The following TENM2 variants were observed in gnomAD, a reference collection of about 807,000 sequenced individuals.
The protein encoded by TENM2 is teneurin-2.
In TENM2, 52 loss-of-function variants were observed where a neutral mutation model predicts 245.2. The observed-to-expected ratio is 0.21, with a 90% CI of 0.17 to 0.27. TENM2 has a LOEUF of 0.27. Ranked by LOEUF, TENM2 falls within the 10% of genes least tolerant of loss-of-function variation. The pLI is 1.00. For missense variants in TENM2, 3,046 were observed against 3,666.8 expected, an observed-to-expected ratio of 0.83 and a Z score of 4.37; for synonymous variants, 1,363 against 1,438.9, an observed-to-expected ratio of 0.95 and a Z score of 1.19.
chr5:167,211,984 C>T, the TENM2 span, among the ~76,000 whole-genome samples: 1 of 152,152 alleles, frequency 6.6e-6, no homozygotes, highest in Non-Finnish European at 1.5e-5. Flanking sequence ...GAAGTTACAT[C>T]TCTAAAGCCC....
the TENM2 span, among the ~76,000 whole-genome samples, chr5:167,237,055 C>A: frequency 6.6e-6 from 1 of 152,118 alleles, no homozygotes; most frequent in Admixed American, 6.6e-5. Context: ...GTTTCTCTTG[C>A]AATTCCTGGG....
At chr5:167,950,899 CAT>C (rs1162271523) in intron 3 of TENM2, among the ~76,000 whole-genome samples, 2 of 152,196 alleles carry the variant, frequency 1.3e-5, no homozygotes, top group African/African-American at 2.4e-5. Flanking sequence ...ATTTGGAGGA[CAT>C]GATTTAAAAT....
chr5:167,369,051 C>T lies in TENM2; in HGVS notation c.227-6147C>T, dbSNP rs527255556. On this transcript the variant is annotated intron_variant, in intron 1 of 28. Coordinates refer to ENST00000518659, the Ensembl canonical transcript of TENM2. ...TTGTAAAAGTGTAGGGATGGGGCTC[C>T]TTGCTACAGCAGGCTGTACTTGGGG... Among the ~76,000 whole-genome samples the T allele has an allele frequency of 3.3e-5, 5 of 152,122 alleles. No homozygotes were observed. The South Asian group carries it at 1.0e-3, about 32-fold the overall frequency.
chr5:167,570,452 G>A (rs1302466200), intron 2 of TENM2, among the ~76,000 whole-genome samples: 1 of 152,126 alleles, frequency 6.6e-6, no homozygotes, highest in Non-Finnish European at 1.5e-5. Context: ...GTTGGGAGAA[G>A]TGTCACAATG....
intron 7 of TENM2, among the ~76,000 whole-genome samples, chr5:168,076,790 C>T (rs77119205): frequency 6.6e-6 from 1 of 152,340 alleles, no homozygotes; most frequent in African/African-American, 2.4e-5. Context: ...ACCCTTAGGC[C>T]TTCTAAGTGA....
rs555064892 is a variant in TENM2, at chr5:167,428,042, C to T, written c.502+52569C>T. 3.3e-5 allele frequency among the ~76,000 whole-genome samples: 5 copies of T among 152,266 alleles called. No homozygotes were observed. In the East Asian group the frequency reaches 5.8e-4, roughly 18 times the overall value. The stretch of plus-strand genomic sequence containing the variant: ...TCTAGTGTATTTTTCCATTCAGATT[C>T]ACTAATTCAGAATTTTCTCTATTCC... On this transcript the variant is annotated intron_variant, in intron 2 of 28. Coordinates refer to ENST00000518659, the Ensembl canonical transcript of TENM2.
At chr5:167,085,306 G>A in the TENM2 span, among the ~76,000 whole-genome samples, 4 of 152,198 alleles carry the variant, frequency 2.6e-5, no homozygotes, top group African/African-American at 9.6e-5. Context: ...ACAGTCCTTC[G>A]TTTGATGTTT....
chr5:167,890,190 T>G (rs1418815383), intron 3 of TENM2, among the ~76,000 whole-genome samples: 2 of 152,082 alleles, frequency 1.3e-5, no homozygotes, highest in African/African-American at 2.4e-5. Context: ...TTTTCCAACT[T>G]TCAAATATCA....
chr5:167,262,572 T>TGTGG, the TENM2 span, among the ~76,000 whole-genome samples: 1 of 152,062 alleles, frequency 6.6e-6, no homozygotes, highest in Non-Finnish European at 1.5e-5. Flanking sequence ...TAGTGGGGGT[T>TGTGG]GTGGGAGAGA....
At chr5:167,166,471 A>G in the TENM2 span, among the ~76,000 whole-genome samples, 5 of 152,146 alleles carry the variant, frequency 3.3e-5, no homozygotes, top group Admixed American at 3.3e-4. Flanking sequence ...GGCTTATAAT[A>G]TTGTTGAGAG....
chr5:167,183,155 A>G, the TENM2 span, among the ~76,000 whole-genome samples: 1 of 152,072 alleles, frequency 6.6e-6, no homozygotes, highest in African/African-American at 2.4e-5. Context: ...TATACCTCTC[A>G]TTCACGCACA....
intron 12 of TENM2, among the ~76,000 whole-genome samples, chr5:168,139,033 G>A (rs1755306796): frequency 6.6e-6 from 1 of 152,204 alleles, no homozygotes. Context: ...TATCAATAAT[G>A]TTTGGTTAAT....
At chr5:167,497,011 G>T (rs1012606778) in intron 2 of TENM2, among the ~76,000 whole-genome samples, 10 of 151,942 alleles carry the variant, frequency 6.6e-5, no homozygotes, top group Admixed American at 1.3e-4. Flanking sequence ...ATTCTAGGTG[G>T]TCGCATATCT....
the TENM2 span, among the ~76,000 whole-genome samples, chr5:166,979,140 T>C: frequency 6.8e-6 from 1 of 148,014 alleles, no homozygotes; most frequent in Non-Finnish European, 1.5e-5. Context: ...GCTCAGGTCG[T>C]GCTTGGGCGT....
At chr5:167,791,883 C>T (rs548183090) in intron 2 of TENM2, among the ~76,000 whole-genome samples, 1 of 152,128 alleles carries the variant, frequency 6.6e-6, no homozygotes, top group Admixed American at 6.6e-5. Context: ...GCAGTTGACT[C>T]TTCAGATGGA....
chr5:168,029,188 C>A (rs1173525443), intron 5 of TENM2, among the ~76,000 whole-genome samples: 1 of 152,128 alleles, frequency 6.6e-6, no homozygotes, highest in African/African-American at 2.4e-5. Context: ...GACACCAACC[C>A]CACTCATAAC....
chr5:167,633,692 T>A (rs1779015732), intron 2 of TENM2, among the ~76,000 whole-genome samples: 1 of 152,170 alleles, frequency 6.6e-6, no homozygotes, highest in Non-Finnish European at 1.5e-5. Context: ...CTCCCTCTTT[T>A]CTTTTTTTCC....
chr5:167,135,189 A>T, the TENM2 span, among the ~76,000 whole-genome samples: 1 of 152,266 alleles, frequency 6.6e-6, no homozygotes, highest in East Asian at 1.9e-4. Flanking sequence ...TATTAATCTC[A>T]TTCTATGACT....
chr5:167,295,076 TAAAC>T, intron 1 of TENM2, among the ~76,000 whole-genome samples: 1 of 152,272 alleles, frequency 6.6e-6, no homozygotes, highest in East Asian at 1.9e-4. Context: ...AATAGGGAAA[TAAAC>T]AAAGGGCTCT....
Sources: allele counts gnomAD v4.1 joint callset (sites outside exome capture counted in the v4.1 genomes callset), GRCh38; gene constraint gnomAD v4.1.1; transcripts MANE v1.5; gene names NCBI Gene and HGNC (gene_info 2026-07-23, HGNC 2026-07-21).